Variants in SLC25A48 observed in about 807,000 individuals in gnomAD.
SLC25A48 encodes solute carrier family 25 member 48, also known as CTC-321K16.1.
In SLC25A48, 29 loss-of-function variants were observed where a neutral mutation model predicts 32.2. The observed-to-expected ratio is 0.90, with a 90% CI of 0.67 to 1.23. SLC25A48 has a LOEUF of 1.23. Ranked by LOEUF, SLC25A48 falls within the 50% of genes most tolerant of loss-of-function variation. The probability of loss-of-function intolerance (pLI) is 0.00; values close to 1 mark genes in which losing one functional copy is unlikely to be tolerated. For synonymous variants in SLC25A48, 164 were observed against 172.3 expected, an observed-to-expected ratio of 0.95 and a Z score of 0.38; for missense variants, 399 against 422.7, an observed-to-expected ratio of 0.94 and a Z score of 0.49.
At chr5:135,651,604 C>T (rs1197067422) in intron 3 of SLC25A48, among the ~76,000 whole-genome samples, 1 of 152,212 alleles carries the variant, frequency 6.6e-6, no homozygotes, top group Non-Finnish European at 1.5e-5. Flanking sequence ...GGGGTAGTGG[C>T]TGCTACCTAT....
intron 3 of SLC25A48, among the ~76,000 whole-genome samples, chr5:135,655,124 C>T (rs58797066): frequency 8.6e-5 from 13 of 152,038 alleles, no homozygotes; most frequent in Middle Eastern, 3.4e-3. Context: ...AAGCGGGAAG[C>T]GAATCCGAGA....
At chr5:135,598,385 T>C (rs1417729760) in intron 1 of SLC25A48, among the ~76,000 whole-genome samples, 1 of 152,228 alleles carries the variant, frequency 6.6e-6, no homozygotes, top group African/African-American at 2.4e-5. Context: ...CCACTCTGAC[T>C]TGTTTTCCTT....
intron 3 of SLC25A48, among the ~76,000 whole-genome samples, chr5:135,811,700 T>TA (rs953279108): frequency 2.6e-5 from 4 of 151,162 alleles, no homozygotes; most frequent in East Asian, 1.9e-4. Context: ...GTAAGTAATT[T>TA]AAAAAAAAAT....
intron 3 of SLC25A48, among the ~76,000 whole-genome samples, chr5:135,716,676 A>C (rs1293966468): frequency 6.6e-6 from 1 of 152,198 alleles, no homozygotes; most frequent in East Asian, 1.9e-4. Context: ...AGTCTTCCAA[A>C]TAAAAAGGCA....
At chr5:135,653,298 C>T (rs1037460863) in intron 3 of SLC25A48, among the ~76,000 whole-genome samples, 2 of 152,110 alleles carry the variant, frequency 1.3e-5, no homozygotes, top group African/African-American at 2.4e-5. Flanking sequence ...CTGATTACCA[C>T]GGGATGATTG....
chr5:135,626,068 C>T (rs1451410321), intron 1 of SLC25A48, among the ~76,000 whole-genome samples: 1 of 152,172 alleles, frequency 6.6e-6, no homozygotes, highest in Non-Finnish European at 1.5e-5. Context: ...TGAAATAAAC[C>T]TCAGGACAAT....
intron 3 of SLC25A48, among the ~76,000 whole-genome samples, chr5:135,752,502 G>A (rs1310288407): frequency 6.6e-6 from 1 of 151,952 alleles, no homozygotes; most frequent in Non-Finnish European, 1.5e-5. Flanking sequence ...TGTGATATCT[G>A]GAGTAATATC....
intron 7 of SLC25A48, chr5:135,883,178 A>T: frequency 1.0e-6 from 1 of 985,510 alleles, no homozygotes; most frequent in South Asian, 4.7e-5. Flanking sequence ...CTGTCCTCAG[A>T]ACCTCTTCCT....
chr5:135,731,363 G>C (rs1385129811), intron 3 of SLC25A48, among the ~76,000 whole-genome samples: 1 of 152,204 alleles, frequency 6.6e-6, no homozygotes, highest in Non-Finnish European at 1.5e-5. Flanking sequence ...TGATGGCTTA[G>C]CTTGGGCTCA....
chr5:135,719,679 G>T, intron 3 of SLC25A48, among the ~76,000 whole-genome samples: 1 of 152,166 alleles, frequency 6.6e-6, no homozygotes, highest in East Asian at 1.9e-4. Flanking sequence ...GGAGGAGAGT[G>T]CAGTGCTGTT....
intron 3 of SLC25A48, among the ~76,000 whole-genome samples, chr5:135,699,202 G>A (rs947520532): frequency 1.1e-4 from 17 of 152,144 alleles, no homozygotes; most frequent in South Asian, 8.3e-4. Flanking sequence ...ACATATGTCC[G>A]TACAGAGACT....
intron 3 of SLC25A48, among the ~76,000 whole-genome samples, chr5:135,786,036 C>T (rs1282821548): frequency 2.0e-5 from 3 of 151,180 alleles, no homozygotes; most frequent in African/African-American, 4.9e-5. Flanking sequence ...GTATTTCTCC[C>T]CGTGGGGCTG....
intron 4 of SLC25A48, among the ~76,000 whole-genome samples, chr5:135,819,118 G>A (rs967533507): frequency 6.6e-6 from 1 of 151,410 alleles, no homozygotes; most frequent in Admixed American, 6.6e-5. Context: ...TAACATACAT[G>A]ACATTGGAGT....
chr5:135,636,283 T>C (rs1442566294), intron 3 of SLC25A48, among the ~76,000 whole-genome samples: 1 of 152,158 alleles, frequency 6.6e-6, no homozygotes, highest in East Asian at 1.9e-4. Context: ...TGGTCTCAGC[T>C]CTTGGTGGCT....
chr5:135,714,654 A>G (rs563172244), intron 3 of SLC25A48: 174 of 152,328 alleles, frequency 1.1e-3, no homozygotes, highest in Non-Finnish European at 2.2e-3. Context: ...TGTTAGTGCT[A>G]CTTAACACTG....
intron 2 of SLC25A48, among the ~76,000 whole-genome samples, chr5:135,843,928 C>A (rs1759210197): frequency 6.6e-6 from 1 of 152,150 alleles, no homozygotes; most frequent in Non-Finnish European, 1.5e-5. Context: ...GGTCCCAGAG[C>A]CCACCAAGGA....
intron 4 of SLC25A48, among the ~76,000 whole-genome samples, chr5:135,861,734 T>C (rs1363560350): frequency 6.6e-6 from 1 of 152,244 alleles, no homozygotes; most frequent in Non-Finnish European, 1.5e-5. Context: ...CCTAAATGTG[T>C]GGGCTCTTTG....
chr5:135,829,815 C>A (rs200850676), upstream of SLC25A48, among the ~76,000 whole-genome samples: 28 of 152,134 alleles, frequency 1.8e-4, no homozygotes, highest in East Asian at 5.2e-3. Flanking sequence ...ACTTCATCAT[C>A]CTCCACTGAC....
chr5:135,642,188 T>C (rs1341461215), intron 3 of SLC25A48, among the ~76,000 whole-genome samples: 1 of 152,238 alleles, frequency 6.6e-6, no homozygotes, highest in Non-Finnish European at 1.5e-5. Flanking sequence ...GCTGTCATAG[T>C]GGTGTTTGGT....
Sources: gnomAD v4.1 joint callset for allele counts (sites outside exome capture counted in the v4.1 genomes callset) on GRCh38, gnomAD v4.1.1 for gene constraint, MANE v1.5 for transcripts, NCBI Gene and HGNC (gene_info 2026-07-23, HGNC 2026-07-21) for gene names.